CCDC88A: variants seen among roughly 807,000 people sequenced by gnomAD.
CCDC88A encodes the protein coiled-coil and HOOK domain protein 88A.
In CCDC88A, 54 loss-of-function variants were observed where a neutral mutation model predicts 234.3. That is an observed-to-expected ratio of 0.23 (90% confidence interval 0.19 to 0.29). CCDC88A has a LOEUF of 0.29. CCDC88A is among the 10% of genes least tolerant of loss of function. CCDC88A has a pLI of 1.00. For missense variants in CCDC88A, 1,832 were observed against 2,123.4 expected, an observed-to-expected ratio of 0.86 and a Z score of 2.70; for synonymous variants, 753 against 737.8, an observed-to-expected ratio of 1.02 and a Z score of -0.33.
intron 18 of CCDC88A, among the ~76,000 whole-genome samples, chr2:55,319,976 G>C (rs1278705558): frequency 2.0e-5 from 3 of 151,970 alleles, no homozygotes; most frequent in Non-Finnish European, 4.4e-5. Flanking sequence ...AATTTTATTG[G>C]CTTTATGTTA....
intron 2 of CCDC88A, chr2:55,417,469 A>T (rs977974680): frequency 1.3e-5 from 2 of 152,066 alleles, no homozygotes; most frequent in Non-Finnish European, 2.9e-5. Context: ...TTTTGAGGAT[A>T]AAAAATAATT....
Position 55,343,657 on chromosome 2 carries a change from G to T in CCDC88A, c.1324C>A (p.Leu442Ile), listed in dbSNP as rs1303310073. Reference protein sequence around the residue: ...ELEQISRTSELSEAPQKSLGH... With the variant: ...ELEQISRTSEISEAPQKSLGH... ...AAAAAATTGGGAATACCTTCGGAAAGTTCACTAGTTCTGGATATCTGTTCC... is the reference window on the plus strand; with the variant it reads ...AAAAAATTGGGAATACCTTCGGAAATTTCACTAGTTCTGGATATCTGTTCC... The change falls in exon 12 of 33, where the codon CTT becomes ATT. Residue 442 changes from leucine to isoleucine, a missense_variant. This residue lies in a region of CCDC88A where 1,282 missense variants were observed against 1,543.6 expected (regional missense o/e 0.83). Coordinates refer to ENST00000436346, the MANE Select transcript of CCDC88A (RefSeq NM_001365480.1). 1 of 1,599,548 alleles carries T rather than the reference G, an allele frequency of 6.3e-7. No individual in the cohort carries two copies. The highest frequency in any genetic ancestry group is 1.1e-5 in the South Asian group (1 of 87,216).
intron 5 of CCDC88A, among the ~76,000 whole-genome samples, chr2:55,370,663 A>G (rs1672701431): frequency 6.9e-6 from 1 of 144,258 alleles, no homozygotes; most frequent in Non-Finnish European, 1.5e-5. Flanking sequence ...AAAAAAAAAA[A>G]AAAAGAGAAT....
intron 22 of CCDC88A, chr2:55,313,502 G>A (rs886819484): frequency 6.6e-6 from 1 of 152,168 alleles, no homozygotes; most frequent in Non-Finnish European, 1.5e-5. Flanking sequence ...CAGCAGCATT[G>A]GGCCTTTTCT....
At chr2:55,321,232 T>C (rs1683595588) in intron 18 of CCDC88A, 1 of 151,994 alleles carries the variant, frequency 6.6e-6, no homozygotes, top group South Asian at 2.1e-4. Flanking sequence ...CTGTCAGGAA[T>C]TTAGCATTCT....
At chr2:55,379,136 G>A (rs1054649187) in intron 3 of CCDC88A, among the ~76,000 whole-genome samples, 6 of 152,106 alleles carry the variant, frequency 3.9e-5, no homozygotes, top group Admixed American at 3.3e-4. Flanking sequence ...ACATAAAAGA[G>A]AGTAGATGCT....
intron 25 of CCDC88A, chr2:55,306,287 C>A (rs1368564881): frequency 6.6e-6 from 1 of 152,106 alleles, no homozygotes; most frequent in Non-Finnish European, 1.5e-5. Context: ...TATCTGCCAT[C>A]TTTTAAAGAA....
chr2:55,344,032 T>C (rs1668809395), intron 11 of CCDC88A: 1 of 406,048 alleles, frequency 2.5e-6, no homozygotes, highest in Admixed American at 4.1e-5. Context: ...ATAGTCAACA[T>C]ACTGTTTTAG....
chr2:55,418,221 C>T (rs1390677484), intron 2 of CCDC88A: 1 of 152,276 alleles, frequency 6.6e-6, no homozygotes, highest in African/African-American at 2.4e-5. Context: ...GTAAGAATAC[C>T]TTAAAATGAT....
At chr2:55,367,236 C>G (rs1157768473) in intron 5 of CCDC88A, among the ~76,000 whole-genome samples, 1 of 151,898 alleles carries the variant, frequency 6.6e-6, no homozygotes, top group African/African-American at 2.4e-5. Context: ...TGGTGGTTAC[C>G]GAGGTCTGGT....
At position 55,291,784 on chromosome 2, in the gene CCDC88A, G is replaced by A; in HGVS notation, c.5552-9C>T. The A allele has an allele frequency of 6.2e-7, 1 of 1,605,420 alleles. No individual in the cohort carries two copies. Among genetic ancestry groups the A allele is most frequent in the Non-Finnish European group, 8.5e-7 (1 of 1,173,660 alleles). ...TTGTACTTTGTCCACATCTGCAGGAGAAAAGCATTTCATGTTATTTAGTCA... is the reference window on the plus strand; with the variant it reads ...TTGTACTTTGTCCACATCTGCAGGAAAAAAGCATTTCATGTTATTTAGTCA... On this transcript the variant is annotated splice_polypyrimidine_tract_variant and intron_variant, in intron 31 of 32. Coordinates refer to ENST00000436346, the MANE Select transcript of CCDC88A (RefSeq NM_001365480.1).
chr2:55,360,912 A>C (rs372790841), intron 7 of CCDC88A, among the ~76,000 whole-genome samples: 31 of 152,308 alleles, frequency 2.0e-4, no homozygotes, highest in African/African-American at 7.0e-4. Flanking sequence ...AACATGGCCA[A>C]ACCCTGTCTC....
chr2:55,356,277 G>A (rs1256354226), intron 7 of CCDC88A: 1 of 152,242 alleles, frequency 6.6e-6, no homozygotes, highest in Non-Finnish European at 1.5e-5. Context: ...GCATTAGTTT[G>A]CTGAGGATAA....
At chr2:55,396,869 CAAAAAAAAAA>C (rs34500780) in intron 2 of CCDC88A, among the ~76,000 whole-genome samples, 1 of 58,872 alleles carries the variant, frequency 1.7e-5, no homozygotes, top group African/African-American at 6.7e-5. Context: ...GACTCCATCT[CAAAAAAAAAA>C]AAAAAAAAAA....
chr2:55,301,408 G>C, intron 27 of CCDC88A, 131 bp from the exon 28 acceptor site: 1 of 554,870 alleles, frequency 1.8e-6, no homozygotes, highest in East Asian at 3.1e-5. Context: ...ATATTTCATA[G>C]ACTCAACTAG....
At chr2:55,362,176 T>A (rs1671409074) in intron 7 of CCDC88A, 132 bp downstream of exon 7, 2 of 634,048 alleles carry the variant, frequency 3.2e-6, no homozygotes, top group Middle Eastern at 4.1e-4. Context: ...GGTTCCTGTG[T>A]TCCACACAAA....
intron 8 of CCDC88A, 63 bp downstream of exon 8, chr2:55,355,516 A>T: frequency 1.5e-6 from 2 of 1,378,748 alleles, no homozygotes; most frequent in South Asian, 2.4e-5. Context: ...AAGCTTAAAA[A>T]TATTGTTTAG....
At chr2:55,369,121 G>C (rs563967142) in intron 5 of CCDC88A, among the ~76,000 whole-genome samples, 1 of 150,650 alleles carries the variant, frequency 6.6e-6, no homozygotes, top group South Asian at 2.1e-4. Context: ...TGCAACCTCC[G>C]CCTCCTGGGT....
In CCDC88A at chr2:55,349,616, TATTC is replaced by T; in HGVS notation, c.801-21_801-18del. On this transcript the variant is annotated intron_variant, in intron 8 of 32. Coordinates refer to ENST00000436346, the MANE Select transcript of CCDC88A (RefSeq NM_001365480.1). ...TTTTCCTCCCTTAAATGCAAAAATA[TATTC>T]ATTAAGTATACTATTTTTGAAAACT... The T allele has an allele frequency of 6.4e-7, 1 of 1,559,788 alleles. No homozygotes were observed. Among genetic ancestry groups the T allele is most frequent in the Non-Finnish European group, 8.8e-7 (1 of 1,135,638 alleles).
Sources: allele counts gnomAD v4.1 joint callset (sites outside exome capture counted in the v4.1 genomes callset), GRCh38; gene constraint gnomAD v4.1.1; regional missense constraint gnomAD v4.1.1; transcripts MANE v1.5; gene names NCBI Gene and HGNC (gene_info 2026-07-23, HGNC 2026-07-21).